C3orf18: variants seen among roughly 807,000 people sequenced by gnomAD.
C3orf18 encodes chromosome 3 open reading frame 18.
Under a neutral mutation model 14.1 loss-of-function variants are expected in C3orf18, and 12 were observed. The observed-to-expected ratio is 0.85, with a 90% CI of 0.55 to 1.38. The LOEUF is 1.38. Ranked by LOEUF, C3orf18 falls within the 40% of genes most tolerant of loss-of-function variation. The pLI is 0.00. For synonymous variants in C3orf18, 82 were observed against 87.9 expected (o/e 0.93, Z 0.38); for missense variants, 196 against 213.9 (o/e 0.92, Z 0.52).
intron 4 of C3orf18, among the ~76,000 whole-genome samples, chr3:50,561,438 A>G (rs2107268033): frequency 6.6e-6 from 1 of 152,306 alleles, no homozygotes; most frequent in South Asian, 2.1e-4. Context: ...GTGGCTGGGC[A>G]GTTGGGTGGG....
chr3:50,565,606 AGGCTG>A lies in C3orf18; in HGVS notation c.89_93del (p.Pro30LeufsTer14). 1 of 1,613,828 alleles carries A rather than the reference AGGCTG, an allele frequency of 6.2e-7. No individual in the cohort carries two copies. Among genetic ancestry groups the A allele is most frequent in the Non-Finnish European group, 8.5e-7 (1 of 1,179,988 alleles). ...TCTGGGCTGAGGGTAGTGGTCTCGG[AGGCTG>A]GCCCATCTGTGGCAGGTTCCAGGTC... On this transcript the variant is annotated frameshift_variant, in exon 3 of 6. Coordinates refer to ENST00000357203, the MANE Select transcript of C3orf18 (RefSeq NM_016210.5). LOFTEE classifies it high-confidence loss of function. The surrounding 1 kb of genome is among the most constrained non-coding windows in gnomAD (Gnocchi z 4.4).
At chr3:50,559,784 G>A in intron 5 of C3orf18, 47 bp from the exon 6 acceptor site, 1 of 1,281,982 alleles carries the variant, frequency 7.8e-7, no homozygotes, top group Non-Finnish European at 1.1e-6. Flanking sequence ...GCAAGGCCAT[G>A]CACTCACTGG....
chr3:50,571,383 G>C (rs750750023), upstream of C3orf18: 4 of 1,372,794 alleles, frequency 2.9e-6, no homozygotes, highest in Non-Finnish European at 4.0e-6. Context: ...GGGAGGACTT[G>C]GGGAAGGGAT....
chr3:50,563,162 A>C (rs1263623405), intron 3 of C3orf18, among the ~76,000 whole-genome samples: 1 of 151,950 alleles, frequency 6.6e-6, no homozygotes, highest in Admixed American at 6.5e-5. Context: ...GGACCCCCAA[A>C]ACCTGAAAAG....
At chr3:50,568,100 A>T (rs1250365432), upstream of C3orf18, among the ~76,000 whole-genome samples, 1 of 152,194 alleles carries the variant, frequency 6.6e-6, no homozygotes, top group Non-Finnish European at 1.5e-5. Context: ...TGACTTTGTG[A>T]CCTTGAAGAA....
At chr3:50,563,285 G>T (rs532598357) in intron 3 of C3orf18, among the ~76,000 whole-genome samples, 1 of 152,182 alleles carries the variant, frequency 6.6e-6, no homozygotes, top group South Asian at 2.1e-4. Flanking sequence ...TTCTGGCCTA[G>T]CCCCTGCCAC....
At chr3:50,561,515 C>G (rs1376018208) in intron 4 of C3orf18, among the ~76,000 whole-genome samples, 1 of 152,194 alleles carries the variant, frequency 6.6e-6, no homozygotes, top group Non-Finnish European at 1.5e-5. Context: ...ATCTAGAATC[C>G]TCACACCTGC....
upstream of C3orf18, among the ~76,000 whole-genome samples, chr3:50,574,441 T>C (rs950193872): frequency 6.6e-6 from 1 of 152,208 alleles, no homozygotes. Flanking sequence ...GTTTCTTAGC[T>C]TCTTACCCTC....
In C3orf18 at chr3:50,561,738, T is replaced by G. The variant is rs1429174953; in HGVS notation, c.244A>C (p.Ile82Leu). The stretch of plus-strand genomic sequence containing the variant: ...GGGAATTACCTCTTCTTCTTCCTGA[T>G]GTACAAAACCTGCAAGAGAAGGAGC... ...IGLAVALVLY[I>L]RKKKRLEKLR... Residue 82 changes from isoleucine (I) to leucine (L), a missense_variant, in exon 4 of 6, where the codon ATC (isoleucine) becomes CTC (leucine). Physicochemically the swap from Ile to Leu is conservative, Grantham distance 5. Transcript: ENST00000357203. 6 of 1,613,656 alleles carry G rather than the reference T, an allele frequency of 3.7e-6. No individual in the cohort carries two copies. The Admixed American group carries it at 8.3e-5, about 22-fold the overall frequency.
upstream of C3orf18, among the ~76,000 whole-genome samples, chr3:50,573,274 A>G (rs1031668507): frequency 7.2e-5 from 11 of 152,184 alleles, no homozygotes; most frequent in African/African-American, 2.7e-4. Context: ...CATCCCTCAC[A>G]TGGGGCTGCC....
At chr3:50,562,804 G>T (rs920709430) in intron 3 of C3orf18, among the ~76,000 whole-genome samples, 1 of 152,178 alleles carries the variant, frequency 6.6e-6, no homozygotes, top group African/African-American at 2.4e-5. Context: ...ACCTAAGAAG[G>T]CCCCTAGGTC....
rs746375900 is a variant in C3orf18, at chr3:50,565,467, A to G, written c.233T>C (p.Leu78Ser). Residue 78 changes from leucine (L) to serine (S), a missense_variant and splice_region_variant, in exon 3 of 6, where the codon TTG (leucine) becomes TCG (serine). Coordinates refer to ENST00000357203, the MANE Select transcript of C3orf18 (RefSeq NM_016210.5). This position sits in a 1 kb window ranked among gnomAD's most constrained non-coding sequence, Gnocchi z 4.4. ...IITVIGLAVA[L>S]VLYIRKKKRL... Reference sequence around the variant, plus strand: ...CCCCCAGCCTACCCCAGCTCTCACCAAGGCCACAGCCAGGCCTATCACCGT... The same window carrying G: ...CCCCCAGCCTACCCCAGCTCTCACCGAGGCCACAGCCAGGCCTATCACCGT... 15 of 1,612,064 alleles carry G rather than the reference A, an allele frequency of 9.3e-6. No homozygotes were observed. The highest frequency in any genetic ancestry group is 1.3e-5 in the Non-Finnish European group (15 of 1,178,428).
At position 50,558,460 on chromosome 3, in the gene C3orf18, C is replaced by T. The variant is rs183608186; in HGVS notation, c.*1197G>A. 3.0e-4 allele frequency: 102 copies of T among 340,986 alleles called. No individual in the cohort carries two copies. Among genetic ancestry groups the T allele is most frequent in the Non-Finnish European group, 1.8e-4 (32 of 174,826 alleles). The allele number at this position is 340,986 out of a possible 1,614,324, so 21.1% of individuals were successfully genotyped here. On this transcript the variant is annotated 3_prime_UTR_variant, in exon 6 of 6. Coordinates refer to ENST00000357203, the MANE Select transcript of C3orf18 (RefSeq NM_016210.5). ...TTATGGAGAGGCCAAGTGCAGGGAC[C>T]CATCTCCCCACTCTCTAAACACTGA...
chr3:50,561,906 T>A, intron 3 of C3orf18, 159 bp from the exon 4 acceptor site: 1 of 536,654 alleles, frequency 1.9e-6, no homozygotes. Flanking sequence ...TCATGCCTCT[T>A]TTTTTTTTTT....
intron 4 of C3orf18, 67 bp from the exon 5 acceptor site, chr3:50,561,131 C>G (rs979637560): frequency 2.0e-6 from 3 of 1,534,108 alleles, no homozygotes; most frequent in Middle Eastern, 1.9e-4. Flanking sequence ...CCCTCCAGGC[C>G]CTGCCTCCTG....
At position 50,559,312 on chromosome 3, in the gene C3orf18, C is replaced by G. The variant is rs1370402241; in HGVS notation, c.*345G>C. On this transcript the variant is annotated 3_prime_UTR_variant, in exon 6 of 6. Coordinates refer to ENST00000357203, the MANE Select transcript of C3orf18 (RefSeq NM_016210.5). ...TCCCCCAATCCCTCCCACTCCGTATCTCCCTCATTTCCTCCACATTAGCGG... is the reference window on the plus strand; with the variant it reads ...TCCCCCAATCCCTCCCACTCCGTATGTCCCTCATTTCCTCCACATTAGCGG... 8.0e-7 allele frequency: 1 copy of G among 1,254,242 alleles called. No individual in the cohort carries two copies. The highest frequency in any genetic ancestry group is 1.0e-6 in the Non-Finnish European group (1 of 982,202). The allele number at this position is 1,254,242 out of a possible 1,614,324, so 77.7% of individuals were successfully genotyped here. A position where few individuals can be genotyped will look rare whatever the true frequency, so the allele number is the denominator to read the frequency against.
rs1271531638 is a variant in C3orf18, at chr3:50,566,097, G to A, written c.-251-3C>T. ...TGAGATGATCATAGTGATCAAACCT[G>A]GAAGATATGAAAGGCAGCGGGGATG... On this transcript the variant is annotated splice_region_variant and splice_polypyrimidine_tract_variant and intron_variant, in intron 1 of 5. Transcript: ENST00000357203. 6.0e-6 allele frequency: 1 copy of A among 166,118 alleles called. No homozygotes were observed. Among genetic ancestry groups the A allele is most frequent in the African/African-American group, 2.4e-5 (1 of 41,764 alleles). The allele number at this position is 166,118 out of a possible 1,614,324, so 10.3% of individuals were successfully genotyped here.
Position 50,565,596 on chromosome 3 carries a change from G to A in C3orf18, c.104C>T (p.Thr35Ile), listed in dbSNP as rs769078244. Residue 35 changes from threonine (T) to isoleucine (I), a missense_variant, in exon 3 of 6, where the codon ACT (threonine) becomes ATT (isoleucine). Transcript: ENST00000357203. This position sits in a 1 kb window ranked among gnomAD's most constrained non-coding sequence, Gnocchi z 4.4. ...GGTGGTGGCCTCTGGGCTGAGGGTA[G>A]TGGTCTCGGAGGCTGGCCCATCTGT... is the stretch of plus-strand genomic sequence containing the variant. ...PATDGPASET[T>I]TLSPEATTFN... The A allele has an allele frequency of 1.2e-6, 2 of 1,614,044 alleles. No individual in the cohort carries two copies. The highest frequency in any genetic ancestry group is 1.7e-6 in the Non-Finnish European group (2 of 1,180,024).
chr3:50,572,075 A>T (rs1284591975), upstream of C3orf18: 1 of 1,612,068 alleles, frequency 6.2e-7, no homozygotes. Flanking sequence ...TGTTGGTCCT[A>T]GCTCTGTCCC....
Sources: allele counts gnomAD v4.1 joint callset (sites outside exome capture counted in the v4.1 genomes callset), GRCh38; gene constraint gnomAD v4.1.1; non-coding constraint Gnocchi (gnomAD v3.1); transcripts MANE v1.5; gene names NCBI Gene and HGNC (gene_info 2026-07-23, HGNC 2026-07-21).